Variants in PCDHGA3 observed in about 807,000 individuals in gnomAD.
The protein encoded by PCDHGA3 is protocadherin gamma subfamily A, 3.
PCDHGA3 carries 40 observed loss-of-function variants against 58.5 expected under a neutral mutation model. The ratio of observed to expected loss-of-function variants is 0.68; its 90% confidence interval spans 0.53 to 0.89. PCDHGA3 has a LOEUF of 0.89. PCDHGA3 is among the 40% of genes least tolerant of loss of function. PCDHGA3 has a pLI of 0.00. For missense variants in PCDHGA3, 1,223 were observed against 1,195.9 expected (o/e 1.02, Z -0.33); for synonymous variants, 530 against 525.7 (o/e 1.01, Z -0.11).
chr5:141,506,444 CAAAAAAAAAAAAA>C (rs1219684339), intron 3 of PCDHGA3, among the ~76,000 whole-genome samples: 1 of 95,030 alleles, frequency 1.1e-5, no homozygotes, highest in Non-Finnish European at 2.2e-5. Context: ...CGCTCTGTCT[CAAAAAAAAAAAAA>C]AAAAAAAAGA....
Position 141,352,720 on chromosome 5 carries a change from T to C in PCDHGA3, c.2424+6263T>C, listed in dbSNP as rs1364046182. 2.0e-6 allele frequency: 3 copies of C among 1,536,122 alleles called. No homozygotes were observed. The Admixed American group carries it at 5.9e-5, about 30-fold the overall frequency. The stretch of plus-strand genomic sequence containing the variant: ...TTTTATATATGGCGGCCGGGCGCGG[T>C]GGCTCAAGCCTGTAATCCCAGCACT... On this transcript the variant is annotated intron_variant, in intron 1 of 3. Transcript: ENST00000253812.
At chr5:141,372,466 A>G in intron 1 of PCDHGA3, 1 of 1,613,906 alleles carries the variant, frequency 6.2e-7, no homozygotes, top group South Asian at 1.1e-5. Context: ...CTACAGTTTC[A>G]CCTAGTAGTG....
intron 1 of PCDHGA3, chr5:141,419,815 A>T: frequency 6.2e-7 from 1 of 1,613,988 alleles, no homozygotes. Context: ...GAGGACAGCC[A>T]CCCCTTTCAG....
intron 1 of PCDHGA3, chr5:141,414,036 A>G: frequency 6.2e-7 from 1 of 1,612,018 alleles, no homozygotes; most frequent in South Asian, 1.1e-5. Context: ...CATTCCGAAA[A>G]TTACCTGACA....
intron 1 of PCDHGA3, among the ~76,000 whole-genome samples, chr5:141,457,444 G>T (rs1253183319): frequency 6.6e-6 from 1 of 152,134 alleles, no homozygotes; most frequent in African/African-American, 2.4e-5. Context: ...AGCTGCAGAA[G>T]ATCACCACTT....
Position 141,366,291 on chromosome 5 carries a change from T to C in PCDHGA3, c.2424+19834T>C, listed in dbSNP as rs768290200. 15 of 1,613,746 alleles carry C rather than the reference T, an allele frequency of 9.3e-6. No individual in the cohort carries two copies. The South Asian group carries it at 1.5e-4, about 17-fold the overall frequency. ...GTCGAAGACCATGGCCAGCCCCCTC[T>C]GTCAGCCACCTTCACGGTCACCGTT... On this transcript the variant is annotated intron_variant, in intron 1 of 3. Transcript: ENST00000253812.
At chr5:141,412,938 T>C (rs2095590973) in intron 1 of PCDHGA3, 3 of 461,786 alleles carry the variant, frequency 6.5e-6, no homozygotes, top group Admixed American at 7.7e-5. Context: ...TTCTTAGGAC[T>C]CTGAGCGCCG....
chr5:141,510,833 C>T (rs2099882936), intron 3 of PCDHGA3, 114 bp from the exon 4 acceptor site: 46 of 1,577,678 alleles, frequency 2.9e-5, no homozygotes, highest in South Asian at 2.5e-4. Context: ...CAGTGCTCAG[C>T]GTGGTCAAGG....
At chr5:141,423,632 T>G in intron 1 of PCDHGA3, 1 of 1,602,602 alleles carries the variant, frequency 6.2e-7, no homozygotes, top group Non-Finnish European at 8.5e-7. Flanking sequence ...GCTATCATTT[T>G]AGGCAAATGT....
Position 141,345,520 on chromosome 5 carries a change from T to C in PCDHGA3, c.1487T>C (p.Leu496Pro), listed in dbSNP as rs1346130065. The C allele has an allele frequency of 1.2e-6, 2 of 1,614,102 alleles. No homozygotes were observed. The highest frequency in any genetic ancestry group is 3.3e-5 in the Admixed American group (2 of 60,024). Reference protein sequence around the residue: ...RITYALTEDTLQGAPLSSFVS... With the variant: ...RITYALTEDTPQGAPLSSFVS... ...ACTTATGCATTGACCGAGGACACTCTCCAGGGGGCGCCCCTGTCCTCCTTC... is the reference window on the plus strand; with the variant it reads ...ACTTATGCATTGACCGAGGACACTCCCCAGGGGGCGCCCCTGTCCTCCTTC... Residue 496 changes from leucine (L) to proline (P), a missense_variant, in exon 1 of 4, where the codon CTC (leucine) becomes CCC (proline). Physicochemically the swap from Leu to Pro is moderately conservative, Grantham distance 98. Coordinates refer to ENST00000253812, the MANE Select transcript of PCDHGA3 (RefSeq NM_018916.4).
chr5:141,421,679 C>A, intron 1 of PCDHGA3: 1 of 1,613,810 alleles, frequency 6.2e-7, no homozygotes, highest in East Asian at 2.2e-5. Flanking sequence ...ATTCCTGGGG[C>A]GCGATTTGCT....
At chr5:141,351,901 G>A (rs760555793) in intron 1 of PCDHGA3, 107 of 1,613,270 alleles carry the variant, frequency 6.6e-5, no homozygotes, top group Admixed American at 2.5e-4. Flanking sequence ...TGCGCGTGTT[G>A]GTGGGCGACC....
At position 141,490,357 on chromosome 5, in the gene PCDHGA3, A is replaced by G; in HGVS notation, c.2425-4450A>G. ...AGTGGGCACAGTAGTGGGGTTGTTT[A>G]ATGTGCGAGACCGGGACTCAGGTAG... On this transcript the variant is annotated intron_variant, in intron 1 of 3. Transcript: ENST00000253812. This position sits in a 1 kb window ranked among gnomAD's most constrained non-coding sequence, Gnocchi z 5.4. The G allele has an allele frequency of 6.2e-7, 1 of 1,614,178 alleles. No individual in the cohort carries two copies. The highest frequency in any genetic ancestry group is 8.5e-7 in the Non-Finnish European group (1 of 1,180,030).
At chr5:141,417,117 C>A (rs1199474234) in intron 1 of PCDHGA3, 3 of 151,748 alleles carry the variant, frequency 2.0e-5, no homozygotes, top group Non-Finnish European at 4.4e-5. Context: ...TACAGGACAC[C>A]CTGGATGATG....
Position 141,375,159 on chromosome 5 carries a change from G to A in PCDHGA3, c.2424+28702G>A, listed in dbSNP as rs1771191060. 2.5e-6 allele frequency: 4 copies of A among 1,613,862 alleles called. No individual in the cohort carries two copies. The East Asian group carries it at 8.9e-5, about 36-fold the overall frequency. ...TCTGGAAGCAGAACAATTGCTGAAA[G>A]TGCACCTCCAGGAACAGTAATCGCC... On this transcript the variant is annotated intron_variant, in intron 1 of 3. Coordinates refer to ENST00000253812, the MANE Select transcript of PCDHGA3 (RefSeq NM_018916.4).
At chr5:141,371,972 T>A in intron 1 of PCDHGA3, 1 of 1,613,166 alleles carries the variant, frequency 6.2e-7, no homozygotes, top group Non-Finnish European at 8.5e-7. Context: ...AGCAGCTGCG[T>A]GCCTTCGAGC....
At chr5:141,387,197 T>C (rs1417433412) in intron 1 of PCDHGA3, among the ~76,000 whole-genome samples, 1 of 152,220 alleles carries the variant, frequency 6.6e-6, no homozygotes, top group East Asian at 1.9e-4. Flanking sequence ...AATTTTGGTA[T>C]TACTGATACT....
chr5:141,474,430 C>T (rs2099349577), intron 1 of PCDHGA3, among the ~76,000 whole-genome samples: 1 of 152,212 alleles, frequency 6.6e-6, no homozygotes, highest in African/African-American at 2.4e-5. Flanking sequence ...TTGGTCCTCA[C>T]ACTTTGAGTA....
intron 1 of PCDHGA3, among the ~76,000 whole-genome samples, chr5:141,405,709 C>T (rs2094708572): frequency 2.0e-5 from 3 of 152,150 alleles, no homozygotes; most frequent in African/African-American, 7.2e-5. Context: ...AATTCCTAAC[C>T]TCAAGTGATC....
Sources: allele counts gnomAD v4.1 joint callset (sites outside exome capture counted in the v4.1 genomes callset), GRCh38; gene constraint gnomAD v4.1.1; non-coding constraint Gnocchi (gnomAD v3.1); transcripts MANE v1.5; gene names NCBI Gene and HGNC (gene_info 2026-07-23, HGNC 2026-07-21).